Variants in SQOR observed in about 807,000 individuals in gnomAD.
SQOR encodes sulfide quinone oxidoreductase, also known as sulfide:quinone oxidoreductase, mitochondrial.
In SQOR, 39 loss-of-function variants were observed where a neutral mutation model predicts 48.6. That is an observed-to-expected ratio of 0.80 (90% confidence interval 0.62 to 1.05). SQOR has a LOEUF of 1.05. Ranked by LOEUF, SQOR falls within the 50% of genes least tolerant of loss-of-function variation. The probability of loss-of-function intolerance (pLI) is 0.00; values close to 1 mark genes in which losing one functional copy is unlikely to be tolerated. For synonymous variants in SQOR, 220 were observed against 206.2 expected, an observed-to-expected ratio of 1.07 and a Z score of -0.57; for missense variants, 561 against 559.9, an observed-to-expected ratio of 1.00 and a Z score of -0.02.
intron 2 of SQOR, among the ~76,000 whole-genome samples, chr15:45,659,671 G>A (rs1029718947): frequency 6.6e-6 from 1 of 152,184 alleles, no homozygotes; most frequent in Non-Finnish European, 1.5e-5. Context: ...GTGTGTCTCT[G>A]TGTCCCTGTG....
chr15:45,646,365 T>C (rs1176713609), intron 1 of SQOR, among the ~76,000 whole-genome samples: 2 of 152,232 alleles, frequency 1.3e-5, no homozygotes, highest in Non-Finnish European at 2.9e-5. Context: ...AGAAAAAGAA[T>C]TCATGCTAGC....
intron 1 of SQOR, among the ~76,000 whole-genome samples, chr15:45,641,593 AT>A (rs1416305459): frequency 7.9e-5 from 12 of 152,258 alleles, no homozygotes; most frequent in Middle Eastern, 3.4e-3. Context: ...CATTTTCTTT[AT>A]TTGTTAACAG....
intron 7 of SQOR, among the ~76,000 whole-genome samples, chr15:45,686,051 T>C (rs571261074): frequency 6.7e-6 from 1 of 148,882 alleles, no homozygotes; most frequent in Non-Finnish European, 1.5e-5. Context: ...GGTCTCCCTA[T>C]GTTGCCCAAG....
At chr15:45,668,817 G>A in intron 3 of SQOR, among the ~76,000 whole-genome samples, 1 of 152,108 alleles carries the variant, frequency 6.6e-6, no homozygotes, top group Non-Finnish European at 1.5e-5. Flanking sequence ...AGTTTTCTAG[G>A]CAAGTTCTTG....
chr15:45,644,410 G>C (rs1895165039), intron 1 of SQOR, among the ~76,000 whole-genome samples: 1 of 152,206 alleles, frequency 6.6e-6, no homozygotes, highest in Non-Finnish European at 1.5e-5. Flanking sequence ...TGACAGTTTA[G>C]TGGATATGTG....
chr15:45,658,984 A>AGGCTG lies in SQOR; in HGVS notation c.65_69dup (p.Thr24TrpfsTer41). 6.3e-7 allele frequency: 1 copy of AGGCTG among 1,598,408 alleles called. No individual in the cohort carries two copies. Among genetic ancestry groups the AGGCTG allele is most frequent in the African/African-American group, 1.3e-5 (1 of 74,792 alleles). On this transcript the variant is annotated frameshift_variant, in exon 2 of 10. Transcript: ENST00000260324. LOFTEE classifies it high-confidence loss of function. ...TGCCCAGCTCTTTGCCTGCCTGCTC[A>AGGCTG]GGCTGGGCACTCAGCAGGTCGGCCC...
intron 4 of SQOR, among the ~76,000 whole-genome samples, chr15:45,671,591 A>G (rs1381127550): frequency 6.6e-6 from 1 of 152,198 alleles, no homozygotes; most frequent in Non-Finnish European, 1.5e-5. Flanking sequence ...TTTGATTGCA[A>G]TTTCAAGGAA....
rs1463685803 is a variant in SQOR, at chr15:45,691,015, T to A, written c.1338T>A (p.His446Gln). The A allele has an allele frequency of 1.9e-6, 3 of 1,614,080 alleles. No homozygotes were observed. Among genetic ancestry groups the A allele is most frequent in the East Asian group, 2.2e-5 (1 of 44,896 alleles). The part of the protein sequence containing the change: ...GGPAFLRKLF[H>Q]LGMS ...CAGCGTTTCTGCGCAAGTTGTTTCA[T>A]CTAGGTATGAGTTAAGGATGGCTCA... Residue 446 changes from histidine (H) to glutamine (Q), a missense_variant, in exon 10 of 10, where the codon CAT becomes CAA. Coordinates refer to ENST00000260324, the MANE Select transcript of SQOR (RefSeq NM_021199.4).
At chr15:45,663,445 G>T (rs1889756225) in intron 3 of SQOR, among the ~76,000 whole-genome samples, 1 of 152,134 alleles carries the variant, frequency 6.6e-6, no homozygotes, top group South Asian at 2.1e-4. Context: ...GAGATTTTCT[G>T]TAGCTTTTCC....
intron 6 of SQOR, among the ~76,000 whole-genome samples, chr15:45,678,707 T>G (rs541210337): frequency 1.3e-5 from 2 of 152,318 alleles, no homozygotes; most frequent in Admixed American, 1.3e-4. Flanking sequence ...AGTTATCACT[T>G]TATAAAAGGG....
At chr15:45,647,565 A>G (rs8023759) in intron 1 of SQOR, among the ~76,000 whole-genome samples, 53,569 of 151,632 alleles carry the variant, frequency 0.35, 10,557 homozygotes, top group East Asian at 0.73. Context: ...GAGCTCAAGC[A>G]GTGCGCCCGC....
At chr15:45,683,571 G>A (rs970702083) in intron 7 of SQOR, among the ~76,000 whole-genome samples, 2 of 152,094 alleles carry the variant, frequency 1.3e-5, no homozygotes, top group African/African-American at 4.8e-5. Context: ...CCTTCAGTAT[G>A]GTCATGTTTT....
chr15:45,663,724 G>A (rs1015558033), intron 3 of SQOR, among the ~76,000 whole-genome samples: 3 of 151,928 alleles, frequency 2.0e-5, no homozygotes, highest in Non-Finnish European at 4.4e-5. Context: ...CTGTGATTGC[G>A]CCACTGCACT....
chr15:45,637,663 G>A (rs569170218), intron 1 of SQOR, among the ~76,000 whole-genome samples: 209 of 152,304 alleles, frequency 1.4e-3, no homozygotes, highest in African/African-American at 5.0e-3. Context: ...CTGTGTGTGC[G>A]TGTCTGTGTG....
intron 7 of SQOR, among the ~76,000 whole-genome samples, chr15:45,686,302 C>G (rs1890223901): frequency 6.6e-6 from 1 of 152,096 alleles, no homozygotes; most frequent in Non-Finnish European, 1.5e-5. Flanking sequence ...TAGGCACCTG[C>G]CACCACGCCT....
At chr15:45,666,975 TC>T (rs1477331938) in intron 3 of SQOR, among the ~76,000 whole-genome samples, 8 of 47,674 alleles carry the variant, frequency 1.7e-4, no homozygotes, top group African/African-American at 7.1e-4. Flanking sequence ...CTCTCCTTTC[TC>T]CCCTCTCCTC....
In SQOR at chr15:45,676,274, G is replaced by T; in HGVS notation, c.828G>T (p.Glu276Asp). 1 of 1,614,090 alleles carries T rather than the reference G, an allele frequency of 6.2e-7. No individual in the cohort carries two copies. Among genetic ancestry groups the T allele is most frequent in the Non-Finnish European group, 8.5e-7 (1 of 1,179,976 alleles). ...VRADKQEAVF[E>D]NLDKPGETQV... Reference sequence around the variant, plus strand: ...CCGATAAACAAGAGGCTGTATTTGAGAACCTGGACAAACCAGGAGAGACCC... The same window carrying T: ...CCGATAAACAAGAGGCTGTATTTGATAACCTGGACAAACCAGGAGAGACCC... The change falls in exon 6 of 10, where the codon GAG (glutamate) becomes GAT (aspartate). Residue 276 changes from glutamate to aspartate, a missense_variant. By Grantham distance (45) the Glu-to-Asp change is conservative. Transcript: ENST00000260324.
chr15:45,690,769 A>G (rs976495131), intron 9 of SQOR, among the ~76,000 whole-genome samples: 2 of 152,238 alleles, frequency 1.3e-5, no homozygotes, highest in African/African-American at 4.8e-5. Flanking sequence ...CCAGGCTCAC[A>G]CAGCAAGTCT....
Position 45,682,561 on chromosome 15 carries a change from G to T in SQOR, c.948G>T (p.Val316=). ...TSPVADAAGW[V]DVDKETLQHR... ...CTGTGGCTGATGCTGCTGGTTGGGT[G>T]GATGTGGATAAAGAAACTCTGCAAC... The change falls in exon 7 of 10, where the codon GTG becomes GTT. Residue 316 remains valine, a synonymous_variant. Transcript: ENST00000260324. 1 of 1,614,168 alleles carries T rather than the reference G, an allele frequency of 6.2e-7. No homozygotes were observed. The highest frequency in any genetic ancestry group is 8.5e-7 in the Non-Finnish European group (1 of 1,180,036).
Sources: allele counts gnomAD v4.1 joint callset (sites outside exome capture counted in the v4.1 genomes callset), GRCh38; gene constraint gnomAD v4.1.1; transcripts MANE v1.5; gene names NCBI Gene and HGNC (gene_info 2026-07-23, HGNC 2026-07-21).